The following SESN1 variants were observed in gnomAD, a reference collection of about 807,000 sequenced individuals.
The protein encoded by SESN1 is sestrin-1.
SESN1 carries 30 observed loss-of-function variants against 59.3 expected under a neutral mutation model. The observed-to-expected ratio is 0.51, with a 90% CI of 0.38 to 0.69. SESN1 has a LOEUF of 0.69. SESN1 is among the 30% of genes least tolerant of loss of function. The probability of loss-of-function intolerance (pLI) is 0.00; values close to 1 mark genes in which losing one functional copy is unlikely to be tolerated. For synonymous variants in SESN1, 197 were observed against 219.9 expected, an observed-to-expected ratio of 0.90 and a Z score of 0.92; for missense variants, 566 against 673.0, an observed-to-expected ratio of 0.84 and a Z score of 1.76.
At chr6:109,007,062 G>C (rs1779747176) in intron 1 of SESN1, among the ~76,000 whole-genome samples, 1 of 152,106 alleles carries the variant, frequency 6.6e-6, no homozygotes, top group Non-Finnish European at 1.5e-5. Context: ...ATTAACATGA[G>C]AACAATCTTT....
At chr6:109,044,106 G>A (rs924829751) in intron 1 of SESN1, among the ~76,000 whole-genome samples, 1 of 151,774 alleles carries the variant, frequency 6.6e-6, no homozygotes, top group African/African-American at 2.4e-5. Flanking sequence ...CTTGAGCCCA[G>A]GAGTTCAAGA....
intron 6 of SESN1, 85 bp downstream of exon 6, chr6:108,994,377 T>C (rs1562453687): frequency 2.9e-5 from 33 of 1,137,208 alleles, no homozygotes; most frequent in Non-Finnish European, 3.9e-5. Context: ...CATATTTAGA[T>C]TGATGCTTTA....
At chr6:109,089,445 T>C (rs927280193) in intron 1 of SESN1, among the ~76,000 whole-genome samples, 1 of 152,220 alleles carries the variant, frequency 6.6e-6, no homozygotes, top group African/African-American at 2.4e-5. Context: ...GATAAATGGC[T>C]CTACAGCTAT....
rs751013218 is a variant in SESN1, at chr6:109,000,520, G to T, written c.700C>A (p.Pro234Thr). The T allele has an allele frequency of 6.2e-7, 1 of 1,606,336 alleles. No individual in the cohort carries two copies. Among genetic ancestry groups the T allele is most frequent in the Non-Finnish European group, 8.5e-7 (1 of 1,175,998 alleles). The change falls in exon 4 of 10, where the codon CCT becomes ACT. Residue 234 changes from proline (P) to threonine (T), a missense_variant. Pro to Thr is a conservative substitution (Grantham distance 38). Transcript: ENST00000436639. Reference protein sequence around the residue: ...GELNKVLAHRPWLITKEHIEG... With the variant: ...GELNKVLAHRTWLITKEHIEG... Reference sequence around the variant, plus strand: ...ATGTGTTCTTTGGTAATAAGCCAAGGTCTATGGGCTAACACTTTGTTAAGT... The same window carrying T: ...ATGTGTTCTTTGGTAATAAGCCAAGTTCTATGGGCTAACACTTTGTTAAGT...
intron 1 of SESN1, among the ~76,000 whole-genome samples, chr6:109,080,991 G>A (rs1781112231): frequency 6.6e-6 from 1 of 151,896 alleles, no homozygotes; most frequent in African/African-American, 2.4e-5. Flanking sequence ...TTTAGATTTG[G>A]GTTACATCCC....
chr6:109,014,998 T>G (rs968494266), intron 1 of SESN1, among the ~76,000 whole-genome samples: 19 of 152,212 alleles, frequency 1.2e-4, no homozygotes, highest in African/African-American at 4.3e-4. Context: ...ATATTTCCAA[T>G]GTCCTAGTGC....
At chr6:109,030,207 A>G (rs916743475) in intron 1 of SESN1, among the ~76,000 whole-genome samples, 1 of 152,230 alleles carries the variant, frequency 6.6e-6, no homozygotes, top group African/African-American at 2.4e-5. Context: ...GTACATAACA[A>G]GAAAGCCATT....
intron 1 of SESN1, among the ~76,000 whole-genome samples, chr6:109,044,024 C>CCTT (rs1780381639): frequency 1.3e-5 from 2 of 151,930 alleles, no homozygotes; most frequent in South Asian, 4.1e-4. Context: ...TTATTGTTAA[C>CCTT]AAAGAAGTGG....
intron 1 of SESN1, among the ~76,000 whole-genome samples, chr6:109,055,001 T>G (rs755795003): frequency 1.3e-5 from 2 of 152,166 alleles, no homozygotes; most frequent in Admixed American, 6.5e-5. Context: ...TCCAAGAAGG[T>G]GAACAGTTGT....
At chr6:109,036,241 A>G (rs558660120) in intron 1 of SESN1, among the ~76,000 whole-genome samples, 1 of 152,228 alleles carries the variant, frequency 6.6e-6, no homozygotes, top group Non-Finnish European at 1.5e-5. Flanking sequence ...AAATGTCATT[A>G]CTGCTTCCAG....
At chr6:109,039,162 G>A (rs1780298865) in intron 1 of SESN1, among the ~76,000 whole-genome samples, 1 of 151,522 alleles carries the variant, frequency 6.6e-6, no homozygotes, top group African/African-American at 2.4e-5. Context: ...AGGAGGAGGA[G>A]GAGAAGAAAG....
In SESN1 at chr6:109,022,537, C is replaced by A. The variant is rs139418151; in HGVS notation, c.280-20194G>T. ...TCCCGGGTTCATGCCATTCTCCTGC[C>A]TCAGCCTCCTACAGGTGCCCACCAC... On this transcript the variant is annotated intron_variant, in intron 1 of 9. Coordinates refer to ENST00000436639, the MANE Select transcript of SESN1 (RefSeq NM_014454.3). Among the ~76,000 whole-genome samples, 1,403 of 150,092 alleles carry A rather than the reference C, an allele frequency of 9.3e-3. 23 individuals carry two copies. Among genetic ancestry groups the A allele is most frequent in the African/African-American group, 0.033 (1,348 of 40,680 alleles).
Position 109,000,560 on chromosome 6 carries a change from T to C in SESN1, c.660A>G (p.Leu220=). The part of the protein sequence containing the change: ...LNGLENAPQK[L]QNLGELNKVL... Reference sequence around the variant, plus strand: ...CTTTGTTAAGTTCTCCTAAATTCTGTAGTTTTTGAGGAGCATTCTCTAAAC... The same window carrying C: ...CTTTGTTAAGTTCTCCTAAATTCTGCAGTTTTTGAGGAGCATTCTCTAAAC... The change falls in exon 4 of 10, where the codon CTA becomes CTG. Residue 220 remains leucine, a synonymous_variant. Transcript: ENST00000436639. 1 of 1,611,854 alleles carries C rather than the reference T, an allele frequency of 6.2e-7. No individual in the cohort carries two copies. Among genetic ancestry groups the C allele is most frequent in the Non-Finnish European group, 8.5e-7 (1 of 1,178,758 alleles).
chr6:109,048,045 G>T (rs1243328244), intron 1 of SESN1, among the ~76,000 whole-genome samples: 1 of 149,610 alleles, frequency 6.7e-6, no homozygotes, highest in African/African-American at 2.5e-5. Flanking sequence ...ATTGTCCCAT[G>T]ACCCTGCCAA....
chr6:109,059,098 C>T (rs1780687795), intron 1 of SESN1, among the ~76,000 whole-genome samples: 3 of 149,176 alleles, frequency 2.0e-5, no homozygotes, highest in Admixed American at 2.0e-4. Flanking sequence ...TCACTTCATA[C>T]ACACACACAC....
At chr6:109,084,379 G>A (rs972049923) in intron 1 of SESN1, among the ~76,000 whole-genome samples, 4 of 152,076 alleles carry the variant, frequency 2.6e-5, no homozygotes, top group African/African-American at 9.7e-5. Flanking sequence ...TGGCCAACAT[G>A]GTGAAACCCC....
At chr6:109,082,563 T>C (rs1212796688) in intron 1 of SESN1, among the ~76,000 whole-genome samples, 1 of 152,172 alleles carries the variant, frequency 6.6e-6, no homozygotes, top group Non-Finnish European at 1.5e-5. Context: ...CCATGTGCAC[T>C]TGATCACCTG....
chr6:109,077,936 T>A (rs1245353919), intron 1 of SESN1, among the ~76,000 whole-genome samples: 1 of 152,148 alleles, frequency 6.6e-6, no homozygotes, highest in Non-Finnish European at 1.5e-5. Context: ...ACAAGTCATA[T>A]CAAAAATTAA....
At chr6:109,078,847 A>G (rs1781072813) in intron 1 of SESN1, among the ~76,000 whole-genome samples, 1 of 152,224 alleles carries the variant, frequency 6.6e-6, no homozygotes, top group Admixed American at 6.5e-5. Flanking sequence ...GATTCAGGAA[A>G]AAAAATAACA....
Sources: gnomAD v4.1 joint callset for allele counts (sites outside exome capture counted in the v4.1 genomes callset) on GRCh38, gnomAD v4.1.1 for gene constraint, MANE v1.5 for transcripts, NCBI Gene and HGNC (gene_info 2026-07-23, HGNC 2026-07-21) for gene names.